Variants in PARD3B observed in about 807,000 individuals in gnomAD.
The protein encoded by PARD3B is partitioning defective 3 homolog B.
Under a neutral mutation model 130.2 loss-of-function variants are expected in PARD3B, and 103 were observed. The ratio of observed to expected loss-of-function variants is 0.79; its 90% CI spans 0.67 to 0.93. The LOEUF (loss-of-function observed/expected upper bound fraction) is 0.93, where lower values mean the gene tolerates loss of function less well. PARD3B is among the 40% of genes least tolerant of loss of function. PARD3B has a pLI of 0.00. For missense variants in PARD3B, 1,609 were observed against 1,499.2 expected, an observed-to-expected ratio of 1.07 and a Z score of -1.21; for synonymous variants, 583 against 553.2, an observed-to-expected ratio of 1.05 and a Z score of -0.76.
intron 2 of PARD3B, among the ~76,000 whole-genome samples, chr2:204,878,739 A>G (rs1026149160): frequency 3.3e-5 from 5 of 152,206 alleles, no homozygotes; most frequent in African/African-American, 1.2e-4. Flanking sequence ...TTGAGGAGCC[A>G]TATTGAGGGG....
At chr2:205,319,882 T>C (rs2042689938) in intron 18 of PARD3B, among the ~76,000 whole-genome samples, 2 of 152,180 alleles carry the variant, frequency 1.3e-5, no homozygotes. Flanking sequence ...CCAAAATATT[T>C]ATTTTGAAAA....
chr2:205,579,549 C>G (rs954133698), intron 22 of PARD3B, among the ~76,000 whole-genome samples: 4 of 152,170 alleles, frequency 2.6e-5, no homozygotes, highest in African/African-American at 9.7e-5. Flanking sequence ...ATTTCACTCC[C>G]CAGCAGACGT....
intron 3 of PARD3B, among the ~76,000 whole-genome samples, chr2:205,040,846 T>C (rs901621104): frequency 6.6e-6 from 1 of 152,100 alleles, no homozygotes; most frequent in Non-Finnish European, 1.5e-5. Flanking sequence ...TCCAACTGTT[T>C]TGGTAGCACC....
chr2:204,704,618 G>A (rs2038050340), intron 2 of PARD3B, among the ~76,000 whole-genome samples: 2 of 152,290 alleles, frequency 1.3e-5, no homozygotes, highest in South Asian at 2.1e-4. Flanking sequence ...GCTAATCAAG[G>A]TGATTGAGAT....
intron 21 of PARD3B, among the ~76,000 whole-genome samples, chr2:205,542,352 GTT>G (rs1491316935): frequency 1.2e-5 from 1 of 81,820 alleles, no homozygotes; most frequent in Non-Finnish European, 2.8e-5. Flanking sequence ...AGTAGTTTGT[GTT>G]TGTGTGTGTG....
chr2:205,046,869 G>A (rs904328229), intron 3 of PARD3B, among the ~76,000 whole-genome samples: 3 of 152,150 alleles, frequency 2.0e-5, no homozygotes, highest in African/African-American at 4.8e-5. Flanking sequence ...CGGTTAGGCC[G>A]CTGGCTCTGC....
chr2:204,610,197 C>T lies in PARD3B; in HGVS notation c.120+64078C>T, dbSNP rs183936401. ...GTTTTTCAGGTTTCTCTGGAGTCCCCTTGGCCATGAGGGACATCCATTCAG... is the reference window on the plus strand; with the variant it reads ...GTTTTTCAGGTTTCTCTGGAGTCCCTTTGGCCATGAGGGACATCCATTCAG... On this transcript the variant is annotated intron_variant, in intron 1 of 22. Transcript: ENST00000406610. The surrounding 1 kb of genome is among the most constrained non-coding windows in gnomAD (Gnocchi z 4.1). 1.3e-4 allele frequency among the ~76,000 whole-genome samples: 20 copies of T among 152,252 alleles called. No individual in the cohort carries two copies. The highest frequency in any genetic ancestry group is 2.1e-4 in the South Asian group (1 of 4,822).
At chr2:205,561,561 G>A (rs556407144) in intron 22 of PARD3B, among the ~76,000 whole-genome samples, 28 of 152,286 alleles carry the variant, frequency 1.8e-4, no homozygotes, top group African/African-American at 6.5e-4. Context: ...GAGCATATAT[G>A]TACTGCTCCC....
At chr2:205,135,609 A>G (rs2032414892) in intron 10 of PARD3B, among the ~76,000 whole-genome samples, 1 of 151,220 alleles carries the variant, frequency 6.6e-6, no homozygotes, top group South Asian at 2.1e-4. Flanking sequence ...GGTAAAACAG[A>G]GATAGACACT....
At chr2:204,929,270 G>A (rs775840899) in intron 2 of PARD3B, among the ~76,000 whole-genome samples, 1 of 152,124 alleles carries the variant, frequency 6.6e-6, no homozygotes, top group Admixed American at 6.6e-5. Flanking sequence ...AGTGTTCACT[G>A]CTAGTTGAAT....
At chr2:205,238,704 C>A (rs1341966688) in intron 15 of PARD3B, among the ~76,000 whole-genome samples, 1 of 149,844 alleles carries the variant, frequency 6.7e-6, no homozygotes, top group African/African-American at 2.4e-5. Flanking sequence ...TGGTGGCAGG[C>A]GCTTGTAATC....
intron 2 of PARD3B, among the ~76,000 whole-genome samples, chr2:204,877,917 C>T (rs928789659): frequency 2.0e-5 from 3 of 152,180 alleles, no homozygotes; most frequent in African/African-American, 7.2e-5. Flanking sequence ...GTTCTTAGAA[C>T]TGAGTAACTA....
intron 4 of PARD3B, among the ~76,000 whole-genome samples, chr2:205,089,913 A>G (rs1003324015): frequency 2.6e-5 from 4 of 152,172 alleles, no homozygotes; most frequent in South Asian, 4.1e-4. Flanking sequence ...TAGAACTATC[A>G]TTTTTGCGTC....
chr2:204,868,955 C>T (rs764776061), intron 2 of PARD3B, among the ~76,000 whole-genome samples: 6 of 152,054 alleles, frequency 3.9e-5, no homozygotes, highest in African/African-American at 9.7e-5. Flanking sequence ...TATACTTATC[C>T]GTCCAACTAC....
chr2:204,979,062 C>T (rs376392431), intron 3 of PARD3B, among the ~76,000 whole-genome samples: 92 of 151,490 alleles, frequency 6.1e-4, no homozygotes, highest in African/African-American at 1.9e-3. Context: ...AAAAATTAGC[C>T]GGGCGTGGTG....
chr2:205,589,293 TCAA>T lies in PARD3B; in HGVS notation c.3261-26162_3261-26160del, dbSNP rs1174625032. ...GTGGTGAAGCGAGACCCTGTCTCAATCAATCAATCAATCAATCAAATCCTGAGC... is the reference window on the plus strand; with the variant it reads ...GTGGTGAAGCGAGACCCTGTCTCAATTCAATCAATCAATCAAATCCTGAGC... On this transcript the variant is annotated intron_variant, in intron 22 of 22. Coordinates refer to ENST00000406610, the MANE Select transcript of PARD3B (RefSeq NM_001302769.2). The surrounding 1 kb of genome is among the most constrained non-coding windows in gnomAD (Gnocchi z 4.1). Among the ~76,000 whole-genome samples, 11 of 152,256 alleles carry T rather than the reference TCAA, an allele frequency of 7.2e-5. No homozygotes were observed. Among genetic ancestry groups the T allele is most frequent in the African/African-American group, 2.4e-4 (10 of 41,550 alleles).
intron 16 of PARD3B, among the ~76,000 whole-genome samples, chr2:205,293,075 A>C (rs1432254729): frequency 6.6e-6 from 1 of 152,130 alleles, no homozygotes; most frequent in Non-Finnish European, 1.5e-5. Flanking sequence ...TTTTTTTTCA[A>C]GTACAATCGG....
intron 4 of PARD3B, among the ~76,000 whole-genome samples, chr2:205,062,669 G>A (rs1299744047): frequency 3.3e-5 from 5 of 151,816 alleles, no homozygotes; most frequent in African/African-American, 1.2e-4. Context: ...AGAAGTAATG[G>A]ATAAGCAAAT....
intron 18 of PARD3B, among the ~76,000 whole-genome samples, chr2:205,367,045 T>C (rs1485315949): frequency 2.0e-5 from 3 of 152,240 alleles, no homozygotes; most frequent in Non-Finnish European, 4.4e-5. Context: ...CAGTGGCTTC[T>C]AGAAAGACGA....
Sources: gnomAD v4.1 joint callset for allele counts (sites outside exome capture counted in the v4.1 genomes callset) on GRCh38, gnomAD v4.1.1 for gene constraint, Gnocchi (gnomAD v3.1) non-coding constraint, MANE v1.5 for transcripts, NCBI Gene and HGNC (gene_info 2026-07-23, HGNC 2026-07-21) for gene names.